ZFYVE9: variants seen among roughly 807,000 people sequenced by gnomAD.
ZFYVE9 encodes the protein zinc finger FYVE domain-containing protein 9.
In ZFYVE9, 43 loss-of-function variants were observed where a neutral mutation model predicts 126.7. That is an observed-to-expected ratio of 0.34 (90% CI 0.27 to 0.44). The LOEUF (loss-of-function observed/expected upper bound fraction) is 0.44. Ranked by LOEUF, ZFYVE9 falls within the 20% of genes least tolerant of loss-of-function variation. The pLI, the probability that ZFYVE9 is intolerant of heterozygous loss-of-function variation, is 1.00. For missense variants in ZFYVE9, 1,476 were observed against 1,697.0 expected (o/e 0.87, Z 2.29); for synonymous variants, 521 against 597.4 (o/e 0.87, Z 1.87).
chr1:52,305,737 G>A (rs892752977), intron 13 of ZFYVE9, among the ~76,000 whole-genome samples: 2 of 152,100 alleles, frequency 1.3e-5, no homozygotes, highest in Admixed American at 6.5e-5. Flanking sequence ...GTAGCTACCC[G>A]AGTTGTGGCT....
rs1316820812 is a variant in ZFYVE9, at chr1:52,196,666, TAAA to T, written c.-142-19702_-142-19700del. 2.6e-5 allele frequency among the ~76,000 whole-genome samples: 4 copies of T among 152,242 alleles called. No individual in the cohort carries two copies. In the East Asian group the frequency reaches 7.7e-4, roughly 29 times the overall value. On this transcript the variant is annotated intron_variant, in intron 1 of 18. Coordinates refer to ENST00000287727, the MANE Select transcript of ZFYVE9 (RefSeq NM_004799.4). ...AAAATTGGTAAATTGGAGGTCATGA[TAAA>T]CATCAATAAAGCCTGGAAGGATTGA... is the stretch of plus-strand genomic sequence containing the variant.
chr1:52,157,388 T>C (rs939275317), intron 1 of ZFYVE9, among the ~76,000 whole-genome samples: 2 of 131,778 alleles, frequency 1.5e-5, no homozygotes, highest in African/African-American at 5.4e-5. Context: ...TATGGCACCA[T>C]ATTCTCTTTT....
At chr1:52,297,102 A>G (rs1450542645) in intron 12 of ZFYVE9, among the ~76,000 whole-genome samples, 2 of 152,238 alleles carry the variant, frequency 1.3e-5, no homozygotes, top group East Asian at 3.9e-4. Context: ...CACTGCTCCC[A>G]GCTGCAAAGC....
At position 52,232,862 on chromosome 1, in the gene ZFYVE9, G is replaced by A. The variant is rs527373926; in HGVS notation, c.-36-309G>A. Among the ~76,000 whole-genome samples the A allele has an allele frequency of 3.1e-4, 46 of 150,050 alleles. No individual in the cohort carries two copies. In the East Asian group the frequency reaches 5.1e-3, roughly 17 times the overall value. On this transcript the variant is annotated intron_variant, in intron 2 of 18. Transcript: ENST00000287727. Reference sequence around the variant, plus strand: ...ATTTGAAAAAAATTCTGTAAGCTTCGTTCTTTAATAGAAACACAATTTTAT... The same window carrying A: ...ATTTGAAAAAAATTCTGTAAGCTTCATTCTTTAATAGAAACACAATTTTAT...
intron 16 of ZFYVE9, 75 bp downstream of exon 16, chr1:52,338,009 T>G: frequency 6.7e-7 from 1 of 1,492,472 alleles, no homozygotes; most frequent in Non-Finnish European, 9.0e-7. Flanking sequence ...CTGTCTACAT[T>G]GGTGTTTTAT....
intron 14 of ZFYVE9, 95 bp from the exon 15 acceptor site, chr1:52,334,593 T>A (rs1026572197): frequency 7.8e-7 from 1 of 1,289,062 alleles, no homozygotes; most frequent in African/African-American, 1.5e-5. Flanking sequence ...TGTGTGATGA[T>A]GGTCGGAATT....
chr1:52,266,282 AG>A (rs1184049908), intron 5 of ZFYVE9, among the ~76,000 whole-genome samples: 1 of 151,644 alleles, frequency 6.6e-6, no homozygotes, highest in East Asian at 1.9e-4. Context: ...TATTTTTAGT[AG>A]AGACGGGGTT....
At chr1:52,298,814 T>G (rs1255815372) in intron 12 of ZFYVE9, among the ~76,000 whole-genome samples, 3 of 147,940 alleles carry the variant, frequency 2.0e-5, no homozygotes, top group Non-Finnish European at 4.5e-5. Context: ...ATGTTTTTTT[T>G]TTTTTTTTTT....
chr1:52,323,396 ATTTG>A (rs761903577), intron 13 of ZFYVE9, among the ~76,000 whole-genome samples: 31 of 152,014 alleles, frequency 2.0e-4, no homozygotes, highest in African/African-American at 2.9e-4. Flanking sequence ...TATTTTACTT[ATTTG>A]TTTATTGTTT....
At chr1:52,194,391 A>T (rs924186161) in intron 1 of ZFYVE9, among the ~76,000 whole-genome samples, 4 of 152,116 alleles carry the variant, frequency 2.6e-5, no homozygotes, top group African/African-American at 9.7e-5. Flanking sequence ...AAAAAACCTC[A>T]CTCAAACATT....
At chr1:52,216,085 G>C (rs1204322716) in intron 1 of ZFYVE9, among the ~76,000 whole-genome samples, 1 of 152,130 alleles carries the variant, frequency 6.6e-6, no homozygotes, top group Non-Finnish European at 1.5e-5. Flanking sequence ...TAAAGTCATT[G>C]GGTAGAAAGT....
chr1:52,222,873 A>T, intron 2 of ZFYVE9, among the ~76,000 whole-genome samples: 1 of 152,194 alleles, frequency 6.6e-6, no homozygotes, highest in East Asian at 1.9e-4. Flanking sequence ...TCCCTTCCTA[A>T]TAAATTAGTT....
intron 2 of ZFYVE9, among the ~76,000 whole-genome samples, chr1:52,231,555 C>G (rs1055464784): frequency 3.3e-5 from 5 of 152,036 alleles, no homozygotes; most frequent in African/African-American, 1.2e-4. Context: ...GCTTATTTGC[C>G]TACCTAAACT....
chr1:52,310,001 G>A (rs1385057330), intron 13 of ZFYVE9, among the ~76,000 whole-genome samples: 3 of 151,956 alleles, frequency 2.0e-5, no homozygotes, highest in Non-Finnish European at 2.9e-5. Flanking sequence ...TCTTGCTCTC[G>A]CTCTGTTGCC....
chr1:52,182,001 G>C (rs1383128983), intron 1 of ZFYVE9, among the ~76,000 whole-genome samples: 1 of 151,818 alleles, frequency 6.6e-6, no homozygotes, highest in Non-Finnish European at 1.5e-5. Flanking sequence ...GGGAGGCGAG[G>C]GGGTCAGCCC....
chr1:52,293,244 T>A (rs1056894861), intron 10 of ZFYVE9, among the ~76,000 whole-genome samples: 12 of 151,872 alleles, frequency 7.9e-5, no homozygotes, highest in Non-Finnish European at 1.5e-4. Context: ...CCAGGTCTGG[T>A]GGCGGGCACC....
chr1:52,276,655 C>G (rs1453092737), intron 8 of ZFYVE9, among the ~76,000 whole-genome samples: 1 of 152,206 alleles, frequency 6.6e-6, no homozygotes, highest in Non-Finnish European at 1.5e-5. Flanking sequence ...ATACCCCTCT[C>G]TACTGTAGAC....
intron 4 of ZFYVE9, among the ~76,000 whole-genome samples, chr1:52,263,078 C>CAAAAAAAA (rs759753454): frequency 2.8e-5 from 2 of 70,342 alleles, no homozygotes; most frequent in South Asian, 4.6e-4. Flanking sequence ...AATTGTGTCT[C>CAAAAAAAA]AAAAAAAAAA....
chr1:52,293,239 T>C (rs1645940305), intron 10 of ZFYVE9, among the ~76,000 whole-genome samples: 1 of 151,732 alleles, frequency 6.6e-6, no homozygotes, highest in Admixed American at 6.6e-5. Context: ...GTTAGCCAGG[T>C]CTGGTGGCGG....
Sources: gnomAD v4.1 joint callset for allele counts (sites outside exome capture counted in the v4.1 genomes callset) on GRCh38, gnomAD v4.1.1 for gene constraint, MANE v1.5 for transcripts, NCBI Gene and HGNC (gene_info 2026-07-23, HGNC 2026-07-21) for gene names.